Variants in TAFA5 observed in about 807,000 individuals in gnomAD.
The protein encoded by TAFA5 is chemokine-like protein TAFA-5.
TAFA5 carries 6 observed loss-of-function variants against 15.3 expected under a neutral mutation model. The ratio of observed to expected loss-of-function variants is 0.39; its 90% confidence interval spans 0.21 to 0.77. TAFA5 has a LOEUF of 0.77. Among genes scored for constraint, TAFA5 ranks in the 30% least tolerant of loss-of-function variants. The probability of loss-of-function intolerance (pLI) is 0.41; values close to 1 mark genes in which losing one functional copy is unlikely to be tolerated. For missense variants in TAFA5, 161 were observed against 193.1 expected, an observed-to-expected ratio of 0.83 and a Z score of 0.98; for synonymous variants, 103 against 80.7, an observed-to-expected ratio of 1.28 and a Z score of -1.48.
rs1249457366 is a variant in TAFA5 at position 48,490,545 on chromosome 22, G to C, written c.112+841G>C. 6.6e-6 allele frequency among the ~76,000 whole-genome samples: 1 copy of C among 151,854 alleles called. No individual in the cohort carries two copies. ...CCCGGGTGCAGACTCCAGCCTCGGC[G>C]CTGGGGAGGGTGCTCAGCATCCCGG... On this transcript the variant is annotated intron_variant, in intron 1 of 3. Transcript: ENST00000402357. This position sits in a 1 kb window ranked among gnomAD's most constrained non-coding sequence, Gnocchi z 5.8.
At chr22:48,570,763 G>A (rs556533746) in intron 1 of TAFA5, among the ~76,000 whole-genome samples, 58 of 152,140 alleles carry the variant, frequency 3.8e-4, no homozygotes, top group African/African-American at 1.3e-3. Flanking sequence ...TGTACATGTT[G>A]GTTTTAAAAT....
chr22:48,708,039 G>T (rs548906988), intron 3 of TAFA5, among the ~76,000 whole-genome samples, 195 bp downstream of exon 3: 1 of 151,860 alleles, frequency 6.6e-6, no homozygotes, highest in South Asian at 2.1e-4. Context: ...TGGGGCAGAC[G>T]GTCTGTGAGT....
chr22:48,599,145 C>T (rs1924872626), intron 1 of TAFA5, among the ~76,000 whole-genome samples: 1 of 152,182 alleles, frequency 6.6e-6, no homozygotes, highest in Admixed American at 6.5e-5. Context: ...TCCTTGGGTA[C>T]ATATGATTGA....
intron 3 of TAFA5, among the ~76,000 whole-genome samples, chr22:48,729,930 T>C (rs909290061): frequency 5.9e-5 from 9 of 152,076 alleles, no homozygotes; most frequent in African/African-American, 2.2e-4. Flanking sequence ...GCAAGCAGCC[T>C]AGCAGCTGCA....
intron 3 of TAFA5, among the ~76,000 whole-genome samples, chr22:48,743,056 C>T (rs555196724): frequency 1.8e-4 from 28 of 152,176 alleles, no homozygotes; most frequent in Non-Finnish European, 3.7e-4. Flanking sequence ...TGTGAGTCTC[C>T]GGGAGCCGCT....
intron 1 of TAFA5, among the ~76,000 whole-genome samples, chr22:48,644,001 G>A (rs746093550): frequency 2.6e-5 from 4 of 152,228 alleles, no homozygotes; most frequent in Admixed American, 6.5e-5. Context: ...CTCGGGACCC[G>A]TCCAGATGCG....
chr22:48,618,031 AT>A (rs1925674609), intron 1 of TAFA5, among the ~76,000 whole-genome samples: 2 of 152,154 alleles, frequency 1.3e-5, no homozygotes, highest in South Asian at 4.1e-4. Flanking sequence ...GCACACTGGG[AT>A]TTGAACCCAG....
chr22:48,600,778 G>A (rs1446323332), intron 1 of TAFA5, among the ~76,000 whole-genome samples: 1 of 152,218 alleles, frequency 6.6e-6, no homozygotes, highest in East Asian at 1.9e-4. Flanking sequence ...CTCGGGGCAT[G>A]AATCGTCCCT....
At chr22:48,637,181 G>A (rs1257897557) in intron 1 of TAFA5, among the ~76,000 whole-genome samples, 1 of 152,204 alleles carries the variant, frequency 6.6e-6, no homozygotes, top group Non-Finnish European at 1.5e-5. Flanking sequence ...ATGCCTGTGG[G>A]GGCCTCTTGA....
chr22:48,555,583 C>T (rs920414913), intron 1 of TAFA5, among the ~76,000 whole-genome samples: 17 of 152,286 alleles, frequency 1.1e-4, no homozygotes, highest in East Asian at 9.7e-4. Context: ...AACAAAAATC[C>T]GCAAACCCAC....
chr22:48,655,723 C>T (rs556788235), intron 2 of TAFA5, among the ~76,000 whole-genome samples: 50 of 152,060 alleles, frequency 3.3e-4, no homozygotes, highest in Admixed American at 9.8e-4. Context: ...CAGCTGTGGC[C>T]TCAAGCAGGT....
At chr22:48,614,798 G>T (rs1925537001) in intron 1 of TAFA5, among the ~76,000 whole-genome samples, 1 of 152,218 alleles carries the variant, frequency 6.6e-6, no homozygotes, top group Non-Finnish European at 1.5e-5. Flanking sequence ...CACACGTCCA[G>T]CACTTGTAGT....
At chr22:48,534,697 G>A (rs888831501) in intron 1 of TAFA5, among the ~76,000 whole-genome samples, 8 of 152,290 alleles carry the variant, frequency 5.3e-5, no homozygotes, top group South Asian at 2.1e-4. Flanking sequence ...GAGAGGCTGC[G>A]CCCCCTCCAC....
intron 1 of TAFA5, chr22:48,545,162 C>T: frequency 3.0e-6 from 1 of 331,974 alleles, no homozygotes; most frequent in South Asian, 2.5e-5. Context: ...AGACACTATT[C>T]TCTCTCCCTC....
Position 48,650,586 on chromosome 22 carries a change from G to T in TAFA5, c.262+3840G>T, listed in dbSNP as rs575933648. ...TCTTTGTGAAAAGAGGGGGCCAGTG[G>T]TTAGAGAGGAATTCTAGCCTCCAGC... On this transcript the variant is annotated intron_variant, in intron 2 of 3. Transcript: ENST00000402357. Among the ~76,000 whole-genome samples the T allele has an allele frequency of 2.2e-3, 330 of 152,288 alleles. 2 individuals are homozygous for T. Among genetic ancestry groups the T allele is most frequent in the Non-Finnish European group, 4.0e-3 (270 of 68,020 alleles).
chr22:48,518,135 G>T (rs1921479277), intron 1 of TAFA5, among the ~76,000 whole-genome samples: 1 of 152,188 alleles, frequency 6.6e-6, no homozygotes, highest in Non-Finnish European at 1.5e-5. Context: ...CACATTGTCA[G>T]GCCACCCGGT....
intron 1 of TAFA5, among the ~76,000 whole-genome samples, chr22:48,507,897 C>T (rs1426900158): frequency 1.3e-5 from 2 of 152,112 alleles, no homozygotes; most frequent in Non-Finnish European, 2.9e-5. Context: ...ATCCCCAGCA[C>T]GAGGCCCATC....
intron 2 of TAFA5, among the ~76,000 whole-genome samples, chr22:48,680,246 T>C (rs973875958): frequency 9.2e-5 from 14 of 152,158 alleles, no homozygotes; most frequent in African/African-American, 3.4e-4. Context: ...TAACTTCCAA[T>C]TTGGGGCTCT....
intron 1 of TAFA5, among the ~76,000 whole-genome samples, chr22:48,617,742 T>C (rs958679227): frequency 1.3e-5 from 2 of 151,964 alleles, no homozygotes; most frequent in African/African-American, 4.8e-5. Flanking sequence ...GCATCCCTGG[T>C]GAGATGTCTG....
Sources: gnomAD v4.1 joint callset for allele counts (sites outside exome capture counted in the v4.1 genomes callset) on GRCh38, gnomAD v4.1.1 for gene constraint, Gnocchi (gnomAD v3.1) non-coding constraint, MANE v1.5 for transcripts, NCBI Gene and HGNC (gene_info 2026-07-23, HGNC 2026-07-21) for gene names.